SORCS1: variants seen among roughly 807,000 people sequenced by gnomAD.
SORCS1 encodes sortilin related VPS10 domain containing receptor 1.
A neutral mutation model predicts 146.1 loss-of-function variants in SORCS1; 60 were observed. That is an observed-to-expected ratio of 0.41 (90% CI 0.33 to 0.51). The LOEUF is 0.51. SORCS1 is among the 20% of genes least tolerant of loss of function. The probability of loss-of-function intolerance (pLI) is 0.21; values close to 1 mark genes in which losing one functional copy is unlikely to be tolerated. For synonymous variants in SORCS1, 637 were observed against 584.0 expected (o/e 1.09, Z -1.31); for missense variants, 1,352 against 1,487.6 (o/e 0.91, Z 1.50).
chr10:106,586,412 T>A (rs949113901), intron 24 of SORCS1, among the ~76,000 whole-genome samples: 18 of 147,056 alleles, frequency 1.2e-4, no homozygotes, highest in African/African-American at 4.5e-4. Flanking sequence ...TTTGCTTTAC[T>A]TTTTTTTTTT....
chr10:106,654,363 T>C (rs1850115224), intron 17 of SORCS1, among the ~76,000 whole-genome samples: 1 of 152,218 alleles, frequency 6.6e-6, no homozygotes, highest in African/African-American at 2.4e-5. Flanking sequence ...AGCCAGGACC[T>C]AGACAATTTG....
intron 6 of SORCS1, among the ~76,000 whole-genome samples, chr10:106,721,771 C>T (rs1311593548): frequency 2.6e-5 from 4 of 152,238 alleles, no homozygotes; most frequent in East Asian, 1.9e-4. Flanking sequence ...GCTGCTTACG[C>T]GAGCTTGAAT....
At chr10:107,000,548 A>C (rs187744180) in intron 1 of SORCS1, among the ~76,000 whole-genome samples, 117 of 151,652 alleles carry the variant, frequency 7.7e-4, no homozygotes, top group African/African-American at 2.6e-3. Flanking sequence ...TGGAGGTTGC[A>C]GTGAGCTGAG....
intron 1 of SORCS1, among the ~76,000 whole-genome samples, chr10:107,108,083 A>G (rs1965425702): frequency 6.6e-6 from 1 of 152,140 alleles, no homozygotes; most frequent in Non-Finnish European, 1.5e-5. Context: ...TTGAAATGGC[A>G]CTAAAACTCA....
At chr10:106,956,159 G>A (rs182758965) in intron 2 of SORCS1, among the ~76,000 whole-genome samples, 1 of 151,834 alleles carries the variant, frequency 6.6e-6, no homozygotes, top group African/African-American at 2.4e-5. Flanking sequence ...CCCTGGTAGA[G>A]AGCCTCGTTC....
chr10:106,669,166 C>T (rs115222952), intron 16 of SORCS1, among the ~76,000 whole-genome samples: 3 of 151,962 alleles, frequency 2.0e-5, no homozygotes, highest in East Asian at 1.9e-4. Flanking sequence ...ACGAGAGACA[C>T]GGGAGAGGAG....
At chr10:107,165,286 T>TGTGTGA (rs1207648083), upstream of SORCS1, among the ~76,000 whole-genome samples, 2 of 110,552 alleles carry the variant, frequency 1.8e-5, no homozygotes, top group African/African-American at 6.2e-5. The surrounding 1 kb of genome is among the most constrained non-coding windows in gnomAD (Gnocchi z 4.0). Flanking sequence ...AATGATCTCG[T>TGTGTGA]GTGTGAGTGT....
rs534581576 is a variant in SORCS1 at position 106,599,216 on chromosome 10, A to C, written c.3166-1766T>G. On this transcript the variant is annotated intron_variant, in intron 23 of 25. Transcript: ENST00000263054. ...TCCCATCTCTACTAAAACTACAAAA[A>C]ATTAGCCAGGCATGGTGGTGCACAC... is the stretch of plus-strand genomic sequence containing the variant. Among the ~76,000 whole-genome samples the C allele has an allele frequency of 1.1e-4, 16 of 152,100 alleles. 1 individual carries two copies. The highest frequency in any genetic ancestry group is 6.5e-4 in the Admixed American group (10 of 15,270).
chr10:106,888,399 G>T (rs1308273323), intron 2 of SORCS1, among the ~76,000 whole-genome samples: 1 of 152,020 alleles, frequency 6.6e-6, no homozygotes, highest in Admixed American at 6.6e-5. Context: ...CACTGGAAAA[G>T]AAGAAAATAT....
Position 106,751,103 on chromosome 10 carries a change from A to T in SORCS1, c.959+10485T>A, listed in dbSNP as rs1377319407. Among the ~76,000 whole-genome samples, 4 of 133,740 alleles carry T rather than the reference A, an allele frequency of 3.0e-5. 1 individual carries two copies. Among genetic ancestry groups the T allele is most frequent in the African/African-American group, 1.1e-4 (4 of 37,262 alleles). The allele number at this position is 133,740 out of a possible 152,430, so 87.7% of individuals were successfully genotyped here. A position where few individuals can be genotyped will look rare whatever the true frequency, so the allele number is the denominator to read the frequency against. Reference sequence around the variant, plus strand: ...AAAAAAAAAAAAAAAAATGCGGAGGAGGTGCAAAAGCGTTAGCAAGCAGCA... The same window carrying T: ...AAAAAAAAAAAAAAAAATGCGGAGGTGGTGCAAAAGCGTTAGCAAGCAGCA... On this transcript the variant is annotated intron_variant, in intron 5 of 25. Transcript: ENST00000263054.
chr10:107,072,853 A>C (rs549041521), intron 1 of SORCS1, among the ~76,000 whole-genome samples: 2 of 152,012 alleles, frequency 1.3e-5, no homozygotes, highest in South Asian at 4.1e-4. Flanking sequence ...TAACTACTCT[A>C]TATTACTATC....
At chr10:107,069,777 C>T (rs1962261619) in intron 1 of SORCS1, among the ~76,000 whole-genome samples, 1 of 152,204 alleles carries the variant, frequency 6.6e-6, no homozygotes, top group South Asian at 2.1e-4. Context: ...ATGATTATCA[C>T]CTTCAATGCA....
rs145023275 is a variant in SORCS1, at chr10:107,131,879, G to A, written c.558+32090C>T. Among the ~76,000 whole-genome samples the A allele has an allele frequency of 5.7e-3, 861 of 152,274 alleles. 4 individuals are homozygous for A. The highest frequency in any genetic ancestry group is 0.024 in the Middle Eastern group (7 of 294). On this transcript the variant is annotated intron_variant, in intron 1 of 25. Transcript: ENST00000263054. ...GCAGCCGAGGCACAATGATAGGTGG[G>A]AAAAATCTTATCTTCCTTTCTTTCC...
rs1954804978 is a variant in SORCS1 at position 106,953,594 on chromosome 10, T to G, written c.626+2919A>C. ...CGGAGAAACATGACCTTAGGTGAGTTTCTCATTGTGTGAACATAATACAGT... is the reference window on the plus strand; with the variant it reads ...CGGAGAAACATGACCTTAGGTGAGTGTCTCATTGTGTGAACATAATACAGT... On this transcript the variant is annotated intron_variant, in intron 2 of 25. Transcript: ENST00000263054. 3.9e-5 allele frequency among the ~76,000 whole-genome samples: 6 copies of G among 152,060 alleles called. 1 individual carries two copies. In the South Asian group the frequency reaches 1.2e-3, roughly 32 times the overall value.
chr10:106,653,427 C>T (rs1589576463), intron 17 of SORCS1, among the ~76,000 whole-genome samples: 1 of 152,200 alleles, frequency 6.6e-6, no homozygotes, highest in Non-Finnish European at 1.5e-5. Context: ...TCAAAGCTTA[C>T]TTTCCACTCT....
chr10:106,991,835 T>C (rs922195736), intron 1 of SORCS1, among the ~76,000 whole-genome samples: 2 of 152,202 alleles, frequency 1.3e-5, no homozygotes, highest in East Asian at 1.9e-4. Context: ...TATAAAGTCA[T>C]TTTTGCATTT....
At chr10:106,901,862 T>A (rs1389911491) in intron 2 of SORCS1, among the ~76,000 whole-genome samples, 2 of 152,084 alleles carry the variant, frequency 1.3e-5, no homozygotes, top group African/African-American at 4.8e-5. Context: ...GCTAACACGG[T>A]GAAACCCTGC....
Position 106,577,725 on chromosome 10 carries a change from C to T in SORCS1, c.3372-170G>A, listed in dbSNP as rs558013568. The T allele has an allele frequency of 5.1e-5, 68 of 1,334,496 alleles. No individual in the cohort carries two copies. In the African/African-American group the frequency reaches 8.6e-4, roughly 17 times the overall value. The allele number at this position is 1,334,496 out of a possible 1,614,324, so 82.7% of individuals were successfully genotyped here. The stretch of plus-strand genomic sequence containing the variant: ...TACGGAAATGCGACTGAGAACCAAA[C>T]GATCCCCAAAAATGCACTTAGAAGC... On this transcript the variant is annotated intron_variant, in intron 25 of 25. Transcript: ENST00000263054.
chr10:107,091,775 T>A (rs1327108659), intron 1 of SORCS1, among the ~76,000 whole-genome samples: 1 of 152,218 alleles, frequency 6.6e-6, no homozygotes, highest in Non-Finnish European at 1.5e-5. Context: ...GCCTAAATGA[T>A]CCATTTGGCT....
Sources: gnomAD v4.1 joint callset for allele counts (sites outside exome capture counted in the v4.1 genomes callset) on GRCh38, gnomAD v4.1.1 for gene constraint, Gnocchi (gnomAD v3.1) non-coding constraint, MANE v1.5 for transcripts, NCBI Gene and HGNC (gene_info 2026-07-23, HGNC 2026-07-21) for gene names.